The following ATP2B2 variants were observed in gnomAD, a reference collection of about 807,000 sequenced individuals.
ATP2B2 encodes plasma membrane calcium-transporting ATPase 2.
In ATP2B2, 15 loss-of-function variants were observed where a neutral mutation model predicts 120.0. The observed-to-expected ratio is 0.12, with a 90% CI of 0.08 to 0.19. The LOEUF is 0.19. Ranked by LOEUF, ATP2B2 falls within the 10% of genes least tolerant of loss-of-function variation. ATP2B2 has a pLI of 1.00. For synonymous variants in ATP2B2, 694 were observed against 700.3 expected (o/e 0.99, Z 0.14); for missense variants, 1,045 against 1,719.8 (o/e 0.61, Z 6.94).
rs1238629379 is a variant in ATP2B2, at chr3:10,338,116, C to A, written c.3420+60G>T. Reference sequence around the variant, plus strand: ...CTGGGGGGCAGCACAAGCACACTCACCTCCATCCCCTGGCCCGCCCCGGCC... The same window carrying A: ...CTGGGGGGCAGCACAAGCACACTCAACTCCATCCCCTGGCCCGCCCCGGCC... On this transcript the variant is annotated intron_variant, in intron 22 of 22. Coordinates refer to ENST00000360273, the MANE Select transcript of ATP2B2 (RefSeq NM_001001331.4). The A allele has an allele frequency of 3.6e-5, 58 of 1,606,264 alleles. No homozygotes were observed. In the South Asian group the frequency reaches 5.9e-4, roughly 16 times the overall value.
intron 2 of ATP2B2, among the ~76,000 whole-genome samples, chr3:10,562,844 G>A (rs530820686): frequency 1.2e-4 from 18 of 152,266 alleles, no homozygotes; most frequent in African/African-American, 4.1e-4. Context: ...TAATCTATGA[G>A]GAATATGATT....
intron 5 of ATP2B2, among the ~76,000 whole-genome samples, chr3:10,389,053 G>T (rs2061768167): frequency 6.6e-6 from 1 of 152,202 alleles, no homozygotes; most frequent in Non-Finnish European, 1.5e-5. Context: ...TGTGGCACAT[G>T]ATGATACCAG....
intron 3 of ATP2B2, among the ~76,000 whole-genome samples, chr3:10,405,855 T>C (rs939265591): frequency 6.6e-6 from 1 of 152,194 alleles, no homozygotes; most frequent in African/African-American, 2.4e-5. Context: ...ACACCTACTA[T>C]GTGCCTATCA....
chr3:10,426,893 G>T (rs944265217), intron 2 of ATP2B2, among the ~76,000 whole-genome samples: 1 of 152,010 alleles, frequency 6.6e-6, no homozygotes, highest in Non-Finnish European at 1.5e-5. Context: ...GGAAGATGGT[G>T]ATGAGATGGT....
At chr3:10,577,051 CAAAAAAAAA>C (rs71055823) in intron 2 of ATP2B2, among the ~76,000 whole-genome samples, 3 of 109,392 alleles carry the variant, frequency 2.7e-5, no homozygotes, top group African/African-American at 3.6e-5. Context: ...GACTCTGTGT[CAAAAAAAAA>C]AAAAAAAAAA....
In ATP2B2 at chr3:10,464,794, C is replaced by T. The variant is rs114801343; in HGVS notation, c.-319-14932G>A. Among the ~76,000 whole-genome samples the T allele has an allele frequency of 5.4e-3, 826 of 152,278 alleles. 4 individuals carry two copies. Among genetic ancestry groups the T allele is most frequent in the African/African-American group, 0.019 (780 of 41,564 alleles). ...AGGGCTCAGCCCAGAGCCTAGCCAGCGAGAGAAACTAGAAACTGGGATGAC... is the reference window on the plus strand; with the variant it reads ...AGGGCTCAGCCCAGAGCCTAGCCAGTGAGAGAAACTAGAAACTGGGATGAC... On this transcript the variant is annotated intron_variant, in intron 1 of 22. Transcript: ENST00000360273.
At chr3:10,331,840 C>T (rs1356789400) in intron 22 of ATP2B2, 7 of 729,470 alleles carry the variant, frequency 9.6e-6, no homozygotes, top group East Asian at 5.5e-5. Flanking sequence ...GACCCATGCC[C>T]GTTGTCAGAG....
chr3:10,454,251 G>T (rs1221044208), intron 1 of ATP2B2, among the ~76,000 whole-genome samples: 2 of 152,214 alleles, frequency 1.3e-5, no homozygotes, highest in African/African-American at 4.8e-5. Context: ...GACACACAAA[G>T]CAGGAAGACC....
intron 5 of ATP2B2, among the ~76,000 whole-genome samples, chr3:10,396,262 G>C (rs1397343556): frequency 1.3e-5 from 2 of 152,250 alleles, no homozygotes; most frequent in African/African-American, 4.8e-5. Context: ...GCATGCCTGT[G>C]GTCCCCACAA....
At chr3:10,695,256 GA>G (rs2071726074) in intron 1 of ATP2B2, among the ~76,000 whole-genome samples, 17 of 137,960 alleles carry the variant, frequency 1.2e-4, no homozygotes, top group African/African-American at 1.0e-4. Context: ...GGGAGGGAGA[GA>G]GAGAGAGAGA....
At chr3:10,692,317 C>A (rs1407056576) in intron 1 of ATP2B2, among the ~76,000 whole-genome samples, 2 of 152,204 alleles carry the variant, frequency 1.3e-5, no homozygotes, top group Non-Finnish European at 2.9e-5. Flanking sequence ...TGCCTCTCCC[C>A]CCAACCGTCA....
intron 2 of ATP2B2, among the ~76,000 whole-genome samples, chr3:10,564,433 A>C (rs1437884895): frequency 1.3e-5 from 2 of 151,970 alleles, no homozygotes; most frequent in African/African-American, 2.4e-5. Context: ...AGCTCCTCCC[A>C]TCCTCCTCCC....
chr3:10,610,639 C>T (rs373366349), intron 2 of ATP2B2, among the ~76,000 whole-genome samples: 5 of 152,196 alleles, frequency 3.3e-5, no homozygotes, highest in Admixed American at 1.3e-4. Context: ...GTTTCCTTCT[C>T]GCAAGCAAAA....
At chr3:10,685,939 G>T (rs1192347458) in intron 1 of ATP2B2, among the ~76,000 whole-genome samples, 4 of 151,968 alleles carry the variant, frequency 2.6e-5, no homozygotes, top group Non-Finnish European at 5.9e-5. Flanking sequence ...TGCAGCAGGG[G>T]TGACTGTTTT....
chr3:10,483,784 C>A (rs79743019), intron 1 of ATP2B2, among the ~76,000 whole-genome samples: 1 of 152,056 alleles, frequency 6.6e-6, no homozygotes, highest in African/African-American at 2.4e-5. Context: ...CCGGAAAAAA[C>A]TTCCAAAAAG....
rs371793867 is a variant in ATP2B2 at position 10,402,338 on chromosome 3, C to T, written c.408G>A (p.Thr136=). ...CTTCATCCTCTGCCCCACCCTGGGC[C>T]GTCGCACATCCTGAAAGACCAGATA... is the stretch of plus-strand genomic sequence containing the variant. The part of the protein sequence containing the change: ...PPGEGNEGCA[T]AQGGAEDEGE... Residue 136 remains threonine (T), a synonymous_variant, in exon 4 of 23, where the codon ACG becomes ACA. Coordinates refer to ENST00000360273, the MANE Select transcript of ATP2B2 (RefSeq NM_001001331.4). This position sits in a 1 kb window ranked among gnomAD's most constrained non-coding sequence, Gnocchi z 4.9. The T allele has an allele frequency of 2.4e-5, 39 of 1,613,462 alleles. No homozygotes were observed. Among genetic ancestry groups the T allele is most frequent in the African/African-American group, 1.7e-4 (13 of 75,040 alleles).
intron 2 of ATP2B2, among the ~76,000 whole-genome samples, chr3:10,546,694 T>C (rs1255569784): frequency 6.6e-6 from 1 of 152,216 alleles, no homozygotes; most frequent in Non-Finnish European, 1.5e-5. Flanking sequence ...TATATTCATC[T>C]TCCTCTGAGA....
intron 1 of ATP2B2, among the ~76,000 whole-genome samples, chr3:10,668,737 C>T (rs2071014363): frequency 6.6e-6 from 1 of 152,206 alleles, no homozygotes; most frequent in African/African-American, 2.4e-5. Flanking sequence ...CATCTAACAA[C>T]CTCCTGCATT....
intron 19 of ATP2B2, among the ~76,000 whole-genome samples, chr3:10,341,549 G>T (rs1019498290): frequency 6.6e-6 from 1 of 152,166 alleles, no homozygotes; most frequent in Non-Finnish European, 1.5e-5. Flanking sequence ...GACCTCAAGT[G>T]ATCCACCCGC....
Sources: gnomAD v4.1 joint callset for allele counts (sites outside exome capture counted in the v4.1 genomes callset) on GRCh38, gnomAD v4.1.1 for gene constraint, Gnocchi (gnomAD v3.1) non-coding constraint, MANE v1.5 for transcripts, NCBI Gene and HGNC (gene_info 2026-07-23, HGNC 2026-07-21) for gene names.